Variants in EXOSC9 observed in about 807,000 individuals in gnomAD.
EXOSC9 encodes exosome complex component RRP45.
A neutral mutation model predicts 56.5 loss-of-function variants in EXOSC9; 38 were observed. That is an observed-to-expected ratio of 0.67 (90% confidence interval 0.52 to 0.88). The LOEUF is 0.88. Among genes scored for constraint, EXOSC9 ranks in the 40% least tolerant of loss-of-function variants. EXOSC9 has a pLI of 0.00. For synonymous variants in EXOSC9, 170 were observed against 170.8 expected, an observed-to-expected ratio of 0.99 and a Z score of 0.04; for missense variants, 559 against 530.5, an observed-to-expected ratio of 1.05 and a Z score of -0.53.
At chr4:121,815,995 A>T in intron 10 of EXOSC9, 5 of 1,229,804 alleles carry the variant, frequency 4.1e-6, no homozygotes, top group Non-Finnish European at 3.1e-6. Flanking sequence ...TTTGGGATGG[A>T]GTCTTGCTCT....
chr4:121,817,005 A>G lies in EXOSC9; in HGVS notation c.*149A>G, dbSNP rs1199797226. The G allele has an allele frequency of 2.6e-6, 2 of 769,670 alleles. No homozygotes were observed. Among genetic ancestry groups the G allele is most frequent in the Non-Finnish European group, 3.9e-6 (2 of 511,390 alleles). The allele number at this position is 769,670 out of a possible 1,614,324, so 47.7% of individuals were successfully genotyped here. On this transcript the variant is annotated 3_prime_UTR_variant, in exon 12 of 12. Transcript: ENST00000243498. ...TTTGTTTTTAATGTGCTTTAAAATA[A>G]TAAACCTTCTGGAGCATTTCTCGTC... is the stretch of plus-strand genomic sequence containing the variant.
rs1270314899 is a variant in EXOSC9 at position 121,802,963 on chromosome 4, A to T, written c.330A>T (p.Leu110=). 1 of 1,614,104 alleles carries T rather than the reference A, an allele frequency of 6.2e-7. No homozygotes were observed. The highest frequency in any genetic ancestry group is 1.3e-5 in the African/African-American group (1 of 75,046). The change falls in exon 4 of 12, where the codon CTA becomes CTT. Residue 110 remains leucine (L), a synonymous_variant. Coordinates refer to ENST00000243498, the MANE Select transcript of EXOSC9 (RefSeq NM_005033.3). ...VKLNRLMERC[L]RNSKCIDTES... ...TGAATCGACTCATGGAAAGATGTCT[A>T]AGAAATTCGAAGTGTATAGACACTG...
At chr4:121,815,366 T>C (rs757980568) in intron 10 of EXOSC9, 64 of 978,716 alleles carry the variant, frequency 6.5e-5, no homozygotes, top group Non-Finnish European at 7.8e-5. Flanking sequence ...CTTCTAACAG[T>C]GAATAATATT....
Position 121,809,405 on chromosome 4 carries a change from G to A in EXOSC9, c.606-562G>A, listed in dbSNP as rs527360372. On this transcript the variant is annotated intron_variant, in intron 6 of 11. Transcript: ENST00000243498. Reference sequence around the variant, plus strand: ...AATAAAATGATTAATGAAATAATCAGTATTTTAATAATTACTCATGAGATA... The same window carrying A: ...AATAAAATGATTAATGAAATAATCAATATTTTAATAATTACTCATGAGATA... 2.0e-5 allele frequency among the ~76,000 whole-genome samples: 3 copies of A among 152,214 alleles called. No homozygotes were observed. The South Asian group carries it at 6.2e-4, about 32-fold the overall frequency.
intron 5 of EXOSC9, among the ~76,000 whole-genome samples, chr4:121,805,792 T>C (rs1727000284): frequency 7.1e-6 from 1 of 141,820 alleles, no homozygotes; most frequent in East Asian, 2.2e-4. Context: ...TAGAAGAAAA[T>C]ATTCTTTTTT....
intron 10 of EXOSC9, 162 bp from the exon 11 acceptor site, chr4:121,816,207 C>T: frequency 1.6e-6 from 1 of 625,164 alleles, no homozygotes; most frequent in Non-Finnish European, 2.8e-6. Flanking sequence ...AATCCACCTG[C>T]CTCAGCCTAC....
At chr4:121,812,592 G>C (rs1727243479) in intron 8 of EXOSC9, among the ~76,000 whole-genome samples, 1 of 152,154 alleles carries the variant, frequency 6.6e-6, no homozygotes, top group South Asian at 2.1e-4. Context: ...ATGGCTTCAA[G>C]TGATTCTCCT....
Position 121,802,983 on chromosome 4 carries a change from AC to A in EXOSC9, c.351del (p.Asp117GlufsTer18). ...ERCLRNSKCI[D>X]TESLCVVAGE... ...TGTCTAAGAAATTCGAAGTGTATAG[AC>A]ACTGAGTCTCTCTGTGTTGTTGCTG... On this transcript the variant is annotated frameshift_variant, in exon 4 of 12. Coordinates refer to ENST00000243498, the MANE Select transcript of EXOSC9 (RefSeq NM_005033.3). LOFTEE classifies it high-confidence loss of function. 1 of 1,613,934 alleles carries A rather than the reference AC, an allele frequency of 6.2e-7. No homozygotes were observed. Among genetic ancestry groups the A allele is most frequent in the Non-Finnish European group, 8.5e-7 (1 of 1,179,816 alleles).
intron 4 of EXOSC9, among the ~76,000 whole-genome samples, chr4:121,804,194 T>C (rs1284521567): frequency 1.5e-5 from 2 of 130,340 alleles, no homozygotes; most frequent in Non-Finnish European, 3.3e-5. Flanking sequence ...TTTTTTTTTT[T>C]GTAGAGATAG....
chr4:121,813,965 T>A lies in EXOSC9; in HGVS notation c.1074T>A (p.Asp358Glu). The change falls in exon 10 of 12, where the codon GAT becomes GAA. Residue 358 changes from aspartate to glutamate, a missense_variant. Asp to Glu is a conservative substitution (Grantham distance 45). Transcript: ENST00000243498. ...TTGAAGACTCTGAGAAGGAAGATGA[T>A]GAAGGCGGTGGTGATCAAGCTATCA... ...GDLEDSEKED[D>E]EGGGDQAIIL... 1 of 1,613,806 alleles carries A rather than the reference T, an allele frequency of 6.2e-7. No individual in the cohort carries two copies. Among genetic ancestry groups the A allele is most frequent in the Non-Finnish European group, 8.5e-7 (1 of 1,179,780 alleles).
intron 11 of EXOSC9, 33 bp from the exon 12 acceptor site, chr4:121,816,737 ACT>A: frequency 6.5e-7 from 1 of 1,542,266 alleles, no homozygotes; most frequent in East Asian, 2.3e-5. Flanking sequence ...AACTTAACAT[ACT>A]CTTAGTAAAT....
intron 8 of EXOSC9, among the ~76,000 whole-genome samples, chr4:121,811,909 G>A (rs1169094066): frequency 1.3e-5 from 2 of 152,094 alleles, no homozygotes; most frequent in African/African-American, 2.4e-5. Context: ...ATCTTTGGAC[G>A]GATACAATAA....
At chr4:121,805,818 T>TC (rs1445343111) in intron 5 of EXOSC9, among the ~76,000 whole-genome samples, 2 of 127,388 alleles carry the variant, frequency 1.6e-5, no homozygotes, top group Non-Finnish European at 3.5e-5. Flanking sequence ...TCTTTTTTTT[T>TC]TTTTTGAGAC....
Position 121,807,628 on chromosome 4 carries a change from C to T in EXOSC9, c.605+6C>T. ...TTTGCCTTTTTCCAGCAAGGGTAAG[C>T]CTCGCCTTATTATGGGCCAAAATTA... On this transcript the variant is annotated splice_donor_region_variant and intron_variant, in intron 6 of 11. Coordinates refer to ENST00000243498, the MANE Select transcript of EXOSC9 (RefSeq NM_005033.3). 1 of 1,595,156 alleles carries T rather than the reference C, an allele frequency of 6.3e-7. No homozygotes were observed. The highest frequency in any genetic ancestry group is 8.6e-7 in the Non-Finnish European group (1 of 1,162,836).
intron 7 of EXOSC9, among the ~76,000 whole-genome samples, 191 bp downstream of exon 7, chr4:121,810,290 C>T (rs115805982): frequency 2.6e-3 from 397 of 152,168 alleles, no homozygotes; most frequent in African/African-American, 9.0e-3. Flanking sequence ...CTCCTCCTTC[C>T]TACCTTGGTG....
Position 121,802,790 on chromosome 4 carries a change from G to A in EXOSC9, c.278G>A (p.Gly93Asp). The A allele has an allele frequency of 6.2e-7, 1 of 1,613,808 alleles. No homozygotes were observed. The highest frequency in any genetic ancestry group is 8.5e-7 in the Non-Finnish European group (1 of 1,179,956). The change falls in exon 3 of 12, where the codon GGC becomes GAC. Residue 93 changes from glycine to aspartate, a missense_variant. Physicochemically the swap from Gly to Asp is moderately conservative, Grantham distance 94 (BLOSUM62 -1). Coordinates refer to ENST00000243498, the MANE Select transcript of EXOSC9 (RefSeq NM_005033.3). ...ATGGCCGCTCCAGCTTTCGAACCTGGCAGGTATTTAAATCTTTTTCTTAAG... is the reference window on the plus strand; with the variant it reads ...ATGGCCGCTCCAGCTTTCGAACCTGACAGGTATTTAAATCTTTTTCTTAAG... The part of the protein sequence containing the change: ...SQMAAPAFEP[G>D]RQSDLLVKLN...
chr4:121,814,562 C>T (rs1423255891), intron 10 of EXOSC9: 1 of 152,010 alleles, frequency 6.6e-6, no homozygotes, highest in East Asian at 1.9e-4. Flanking sequence ...ATAATACTGC[C>T]TAAATAAAAC....
Position 121,801,861 on chromosome 4 carries a change from A to T in EXOSC9, c.101A>T (p.Asn34Ile), listed in dbSNP as rs1027213072. Residue 34 changes from asparagine to isoleucine, a missense_variant, in exon 2 of 12, where the codon AAC becomes ATC. Transcript: ENST00000243498. ...GGCAGACAAACCTATGATTATAGGA[A>T]CATCAGGATCTCATTTGGAACAGAT... ...LDGRQTYDYR[N>I]IRISFGTDYG... 6.2e-7 allele frequency: 1 copy of T among 1,613,934 alleles called. No individual in the cohort carries two copies. The highest frequency in any genetic ancestry group is 1.3e-5 in the African/African-American group (1 of 74,944).
intron 11 of EXOSC9, 115 bp from the exon 12 acceptor site, chr4:121,816,657 C>A: frequency 1.8e-6 from 2 of 1,081,852 alleles, no homozygotes; most frequent in South Asian, 1.9e-5. Context: ...GGATGCCAGT[C>A]TTACTCATAG....
Sources: gnomAD v4.1 joint callset for allele counts (sites outside exome capture counted in the v4.1 genomes callset) on GRCh38, gnomAD v4.1.1 for gene constraint, MANE v1.5 for transcripts, NCBI Gene and HGNC (gene_info 2026-07-23, HGNC 2026-07-21) for gene names.